DGKB: variants seen among roughly 807,000 people sequenced by gnomAD.
DGKB encodes the protein diacylglycerol kinase beta, also known as 90 kDa diacylglycerol kinase.
DGKB carries 67 observed loss-of-function variants against 114.3 expected under a neutral mutation model. That is an observed-to-expected ratio of 0.59 (90% CI 0.48 to 0.72). The LOEUF (loss-of-function observed/expected upper bound fraction) is 0.72. Ranked by LOEUF, DGKB falls within the 30% of genes least tolerant of loss-of-function variation. The pLI, the probability that DGKB is intolerant of heterozygous loss-of-function variation, is 0.00. For synonymous variants in DGKB, 398 were observed against 323.1 expected (o/e 1.23, Z -2.49); for missense variants, 907 against 975.2 (o/e 0.93, Z 0.93).
intron 2 of DGKB, chr7:14,814,082 A>G (rs779546797): frequency 6.6e-6 from 1 of 152,194 alleles, no homozygotes; most frequent in Non-Finnish European, 1.5e-5. Flanking sequence ...ATTACAATTG[A>G]TTCCTCAATA....
At chr7:14,585,542 TAC>T (rs1800615206) in intron 17 of DGKB, among the ~76,000 whole-genome samples, 1 of 152,220 alleles carries the variant, frequency 6.6e-6, no homozygotes, top group Non-Finnish European at 1.5e-5. Flanking sequence ...AAATACCACT[TAC>T]ATGTCTTTTA....
chr7:14,796,924 C>G (rs1433845137), intron 2 of DGKB, among the ~76,000 whole-genome samples: 1 of 151,844 alleles, frequency 6.6e-6, no homozygotes, highest in Admixed American at 6.6e-5. Context: ...GTTTCCAAAC[C>G]TTAAAAAAAT....
intron 21 of DGKB, among the ~76,000 whole-genome samples, chr7:14,458,845 A>G (rs4719405): frequency 0.4 from 61,132 of 152,030 alleles, 12,580 homozygotes; most frequent in Admixed American, 0.49. Context: ...GAATACCAGC[A>G]AGACAGAACC....
intron 1 of DGKB, among the ~76,000 whole-genome samples, chr7:14,877,705 C>T (rs1319194263): frequency 6.6e-6 from 1 of 152,172 alleles, no homozygotes; most frequent in Non-Finnish European, 1.5e-5. Flanking sequence ...GAAAACTGAG[C>T]TTGTGATAAA....
intron 20 of DGKB, among the ~76,000 whole-genome samples, chr7:14,486,557 T>C (rs1362926925): frequency 6.6e-6 from 1 of 152,176 alleles, no homozygotes; most frequent in Non-Finnish European, 1.5e-5. Flanking sequence ...AACCCTGCTT[T>C]ATATCCTCTC....
intron 1 of DGKB, among the ~76,000 whole-genome samples, chr7:14,913,716 C>A (rs1035186511): frequency 2.0e-5 from 3 of 151,928 alleles, no homozygotes; most frequent in Non-Finnish European, 4.4e-5. Context: ...TCAAGGATGA[C>A]TTGCTAGATA....
intron 15 of DGKB, among the ~76,000 whole-genome samples, chr7:14,615,135 G>A (rs1270678361): frequency 6.6e-6 from 1 of 152,010 alleles, no homozygotes; most frequent in Non-Finnish European, 1.5e-5. Flanking sequence ...GTAGATTTTA[G>A]TTGACTTTTT....
chr7:14,416,562 A>G (rs1475882929), intron 21 of DGKB, among the ~76,000 whole-genome samples: 1 of 151,936 alleles, frequency 6.6e-6, no homozygotes, highest in East Asian at 1.9e-4. Context: ...AGTGGGAGGT[A>G]ATTGAATCAT....
At chr7:14,175,542 A>G (rs889533543) in intron 25 of DGKB, among the ~76,000 whole-genome samples, 2 of 152,162 alleles carry the variant, frequency 1.3e-5, no homozygotes, top group Non-Finnish European at 2.9e-5. Flanking sequence ...ATCTTTGCCC[A>G]AGCCCAGAGT....
intron 23 of DGKB, among the ~76,000 whole-genome samples, chr7:14,279,022 A>G (rs1051077228): frequency 2.0e-4 from 31 of 152,254 alleles, no homozygotes; most frequent in South Asian, 4.1e-4. Flanking sequence ...CAGTGGGTGC[A>G]CGCACCGTGA....
intron 6 of DGKB, among the ~76,000 whole-genome samples, chr7:14,714,759 TCAG>T (rs1827924345): frequency 6.6e-6 from 1 of 152,134 alleles, no homozygotes; most frequent in African/African-American, 2.4e-5. Context: ...TCTCTGCCAC[TCAG>T]TATAGTATAG....
chr7:14,145,937 G>A lies in DGKB; in HGVS notation c.*3194C>T, dbSNP rs539537722. 6 of 152,058 alleles carry A rather than the reference G, an allele frequency of 3.9e-5. No homozygotes were observed. In the South Asian group the frequency reaches 6.2e-4, roughly 16 times the overall value. 9.4% of individuals were successfully genotyped at this position (152,058 alleles called of 1,614,324 possible). A position where few individuals can be genotyped will look rare whatever the true frequency, so the allele number is the denominator to read the frequency against. ...ACTACTTCCCATATGCCTAAAAAAC[G>A]AAAACAAAATAAAATGTGGAAACAC... On this transcript the variant is annotated 3_prime_UTR_variant, in exon 26 of 26. Coordinates refer to ENST00000402815, the MANE Select transcript of DGKB (RefSeq NM_001350709.2).
Position 14,944,353 on chromosome 7 carries a change from G to A in DGKB, c.-188+30343C>T, listed in dbSNP as rs182630399. Among the ~76,000 whole-genome samples the A allele has an allele frequency of 4.3e-3, 656 of 152,008 alleles. 4 individuals are homozygous for A. Among genetic ancestry groups the A allele is most frequent in the Admixed American group, 7.3e-3 (111 of 15,204 alleles). ...ATTACCTAATGAAATAGGAATGTGT[G>A]ATATTCGTGAAGAGAATAGAAGGCA... On this transcript the variant is annotated intron_variant, in intron 1 of 4. Transcript: ENST00000437998.
chr7:14,566,129 T>C (rs1039247890), intron 20 of DGKB, among the ~76,000 whole-genome samples: 1 of 152,122 alleles, frequency 6.6e-6, no homozygotes, highest in South Asian at 2.1e-4. Context: ...AATCATTTTA[T>C]AGAAACTAAA....
At chr7:14,647,823 C>T (rs1278318580) in intron 13 of DGKB, among the ~76,000 whole-genome samples, 1 of 152,198 alleles carries the variant, frequency 6.6e-6, no homozygotes, top group Non-Finnish European at 1.5e-5. Flanking sequence ...GAGGCATTGC[C>T]TCACTTGGGA....
intron 1 of DGKB, among the ~76,000 whole-genome samples, chr7:14,873,641 T>A (rs1202807252): frequency 2.0e-5 from 3 of 151,922 alleles, no homozygotes; most frequent in African/African-American, 7.2e-5. Context: ...GAAGTTTACA[T>A]ATACTATATA....
intron 1 of DGKB, among the ~76,000 whole-genome samples, chr7:14,866,660 G>A (rs1851753005): frequency 6.6e-6 from 1 of 152,064 alleles, no homozygotes; most frequent in South Asian, 2.1e-4. Context: ...TGGCTTTCAA[G>A]TTTTGGCAAT....
chr7:14,605,342 A>G (rs1188147707), intron 17 of DGKB, among the ~76,000 whole-genome samples: 1 of 147,232 alleles, frequency 6.8e-6, no homozygotes, highest in Non-Finnish European at 1.5e-5. Flanking sequence ...CCTATATTTC[A>G]TATATATATT....
At chr7:14,959,068 T>C (rs1057093451) in intron 1 of DGKB, among the ~76,000 whole-genome samples, 9 of 152,114 alleles carry the variant, frequency 5.9e-5, no homozygotes, top group African/African-American at 1.7e-4. Context: ...TGGGATTTTA[T>C]TGTTGTATAG....
Sources: allele counts gnomAD v4.1 joint callset (sites outside exome capture counted in the v4.1 genomes callset), GRCh38; gene constraint gnomAD v4.1.1; transcripts MANE v1.5; gene names NCBI Gene and HGNC (gene_info 2026-07-23, HGNC 2026-07-21).